The following LAMA2 variants were observed in gnomAD, a reference collection of about 807,000 sequenced individuals.
LAMA2 encodes the protein laminin subunit alpha 2, also known as laminin subunit alpha-2.
Under a neutral mutation model 364.8 loss-of-function variants are expected in LAMA2, and 269 were observed. The observed-to-expected ratio is 0.74, with a 90% CI of 0.67 to 0.82. The LOEUF (loss-of-function observed/expected upper bound fraction) is 0.82, where lower values mean the gene tolerates loss of function less well. Ranked by LOEUF, LAMA2 falls within the 40% of genes least tolerant of loss-of-function variation. The probability of loss-of-function intolerance (pLI) is 0.00; values close to 1 mark genes in which losing one functional copy is unlikely to be tolerated. For missense variants in LAMA2, 3,807 were observed against 3,873.2 expected (o/e 0.98, Z 0.45); for synonymous variants, 1,379 against 1,370.6 (o/e 1.01, Z -0.14).
intron 22 of LAMA2, among the ~76,000 whole-genome samples, chr6:129,309,082 T>G (rs1774053766): frequency 6.6e-6 from 1 of 152,252 alleles, no homozygotes; most frequent in Non-Finnish European, 1.5e-5. Context: ...TGTGTTTTAC[T>G]GTTTTTAAAA....
chr6:129,182,323 A>G (rs1780979869), intron 10 of LAMA2, among the ~76,000 whole-genome samples: 2 of 151,560 alleles, frequency 1.3e-5, no homozygotes, highest in South Asian at 4.2e-4. Flanking sequence ...TAGGAGGGCA[A>G]TATGGTATTA....
chr6:128,890,157 G>A (rs944038929), intron 1 of LAMA2, among the ~76,000 whole-genome samples: 2 of 152,292 alleles, frequency 1.3e-5, no homozygotes, highest in Admixed American at 1.3e-4. Flanking sequence ...TGCGTCTTGA[G>A]TGCCAGATGG....
In LAMA2 at chr6:129,200,367, CGTGTATGTGTACACATATACAT is replaced by C. The variant is rs201336767; in HGVS notation, c.1782+7521_1782+7542del. On this transcript the variant is annotated intron_variant, in intron 12 of 64. Transcript: ENST00000421865. ...ATATGTGTACACATATACATATACA[CGTGTATGTGTACACATATACAT>C]GTGTATATACATGTACACATATACA... Among the ~76,000 whole-genome samples, 12 of 120,838 alleles carry C rather than the reference CGTGTATGTGTACACATATACAT, an allele frequency of 9.9e-5. No individual in the cohort carries two copies. In the East Asian group the frequency reaches 2.3e-3, roughly 23 times the overall value. 79.3% of individuals were successfully genotyped at this position (120,838 alleles called of 152,430 possible).
Position 129,391,640 on chromosome 6 carries a change from G to A in LAMA2, c.5221G>A (p.Glu1741Lys). 1 of 1,613,480 alleles carries A rather than the reference G, an allele frequency of 6.2e-7. No individual in the cohort carries two copies. Among genetic ancestry groups the A allele is most frequent in the East Asian group, 2.2e-5 (1 of 44,862 alleles). The change falls in exon 36 of 65, where the codon GAA (glutamate) becomes AAA (lysine). Residue 1741 changes from glutamate (E) to lysine (K), a missense_variant. Glu to Lys is a moderately conservative substitution (Grantham distance 56, BLOSUM62 1). Around this residue, in one of 3 missense-constraint regions of LAMA2, gnomAD observed 3,333 missense variants for 3,345.7 expected, o/e 1.00. Transcript: ENST00000421865. ...KNLETQKEIA[E>K]DELVAAEALL... ...TCTAGAGACACAAAAGGAAATTGCT[G>A]AAGATGAGTTGGTGTGAGTAGATGA...
At chr6:129,194,652 A>G (rs957795086) in intron 12 of LAMA2, among the ~76,000 whole-genome samples, 2 of 152,198 alleles carry the variant, frequency 1.3e-5, no homozygotes, top group Non-Finnish European at 2.9e-5. Flanking sequence ...TTGTTTGAAT[A>G]CGGAGGACAT....
chr6:129,172,894 G>C (rs60805887), intron 9 of LAMA2, among the ~76,000 whole-genome samples: 1 of 152,170 alleles, frequency 6.6e-6, no homozygotes, highest in Admixed American at 6.5e-5. Context: ...TTTTAAGCCC[G>C]TCGGAAAAGC....
At chr6:129,178,698 A>C (rs767658706) in intron 10 of LAMA2, among the ~76,000 whole-genome samples, 1 of 152,140 alleles carries the variant, frequency 6.6e-6, no homozygotes, top group Non-Finnish European at 1.5e-5. Flanking sequence ...CTTATTAAAA[A>C]TATTTTTATT....
At chr6:128,937,954 C>A (rs908982322) in intron 1 of LAMA2, among the ~76,000 whole-genome samples, 11 of 151,716 alleles carry the variant, frequency 7.3e-5, no homozygotes, top group African/African-American at 2.7e-4. Context: ...TTTGCTGCAT[C>A]CCAGAAGTTT....
At chr6:128,940,884 C>T (rs1247455913) in intron 1 of LAMA2, among the ~76,000 whole-genome samples, 1 of 152,140 alleles carries the variant, frequency 6.6e-6, no homozygotes, top group Non-Finnish European at 1.5e-5. Context: ...CCAGGAGTTC[C>T]AGGCTGCAGC....
At chr6:129,365,938 A>G (rs1044608524) in intron 32 of LAMA2, among the ~76,000 whole-genome samples, 1 of 152,166 alleles carries the variant, frequency 6.6e-6, no homozygotes, top group African/African-American at 2.4e-5. Flanking sequence ...TGTGCAATAC[A>G]CTTTTTCTCC....
intron 37 of LAMA2, among the ~76,000 whole-genome samples, chr6:129,400,302 G>A (rs1779896619): frequency 6.6e-6 from 1 of 152,108 alleles, no homozygotes; most frequent in Non-Finnish European, 1.5e-5. Flanking sequence ...GAATTTTCAG[G>A]GGACACAGAC....
intron 4 of LAMA2, among the ~76,000 whole-genome samples, chr6:129,130,206 C>G (rs1777385784): frequency 6.6e-6 from 1 of 152,192 alleles, no homozygotes; most frequent in Non-Finnish European, 1.5e-5. Flanking sequence ...CCACCACATA[C>G]TAGCACTAGT....
intron 1 of LAMA2, among the ~76,000 whole-genome samples, chr6:128,993,076 T>C (rs9285464): frequency 0.29 from 44,310 of 152,056 alleles, 6,928 homozygotes; most frequent in African/African-American, 0.38. Context: ...CTGAGACACA[T>C]TGTGAGATCT....
intron 1 of LAMA2, among the ~76,000 whole-genome samples, chr6:128,973,963 C>T (rs562916930): frequency 3.1e-4 from 47 of 152,280 alleles, no homozygotes; most frequent in Non-Finnish European, 5.9e-4. Context: ...AGCAGAGAGG[C>T]CAACTCACAT....
intron 3 of LAMA2, among the ~76,000 whole-genome samples, chr6:129,081,208 A>G (rs1774030037): frequency 6.6e-6 from 1 of 150,768 alleles, no homozygotes. Flanking sequence ...ACACTTGGAC[A>G]CAGGGTGGGT....
chr6:129,039,736 A>G (rs879578969), intron 1 of LAMA2, among the ~76,000 whole-genome samples: 2 of 152,196 alleles, frequency 1.3e-5, no homozygotes, highest in Non-Finnish European at 2.9e-5. Context: ...TTAGATTCTT[A>G]TAAGTAGCTC....
intron 12 of LAMA2, among the ~76,000 whole-genome samples, chr6:129,200,493 T>C (rs1782214149): frequency 6.6e-6 from 1 of 151,096 alleles, no homozygotes; most frequent in Non-Finnish European, 1.5e-5. Context: ...TATGTGTATG[T>C]ACACATATAT....
At chr6:129,033,193 C>A (rs1223054426) in intron 1 of LAMA2, among the ~76,000 whole-genome samples, 1 of 150,816 alleles carries the variant, frequency 6.6e-6, no homozygotes, top group East Asian at 1.9e-4. Flanking sequence ...GGATTAAGCC[C>A]TGAGGAACGA....
At chr6:129,484,428 A>G (rs1784498737) in intron 55 of LAMA2, among the ~76,000 whole-genome samples, 1 of 152,210 alleles carries the variant, frequency 6.6e-6, no homozygotes, top group African/African-American at 2.4e-5. Context: ...TCCTGGGTAC[A>G]GACCCAGATT....
Sources: gnomAD v4.1 joint callset for allele counts (sites outside exome capture counted in the v4.1 genomes callset) on GRCh38, gnomAD v4.1.1 for gene constraint, gnomAD v4.1.1 regional missense constraint, MANE v1.5 for transcripts, NCBI Gene and HGNC (gene_info 2026-07-23, HGNC 2026-07-21) for gene names.